Variants in FAM76A observed in about 807,000 individuals in gnomAD.
FAM76A encodes the protein protein FAM76A.
In FAM76A, 32 loss-of-function variants were observed where a neutral mutation model predicts 46.2. That is an observed-to-expected ratio of 0.69 (90% confidence interval 0.52 to 0.93). The LOEUF is 0.93. FAM76A is among the 40% of genes least tolerant of loss of function. FAM76A has a pLI of 0.00. For synonymous variants in FAM76A, 137 were observed against 127.0 expected (o/e 1.08, Z -0.53); for missense variants, 274 against 361.5 (o/e 0.76, Z 1.96).
chr1:27,760,877 C>CTTTTTTTTTTTTTTTTTTTTTTTTTT lies in FAM76A; in HGVS notation c.*319_*320insTTTTTTTTTTTTTTTTTTTTTTTTTT. 11 of 25,136 alleles carry CTTTTTTTTTTTTTTTTTTTTTTTTTT rather than the reference C, an allele frequency of 4.4e-4. 1 individual carries two copies. The highest frequency in any genetic ancestry group is 9.3e-4 in the African/African-American group (5 of 5,360). 1.6% of individuals were successfully genotyped at this position (25,136 alleles called of 1,614,324 possible). On this transcript the variant is annotated 3_prime_UTR_variant, in exon 9 of 9. Transcript: ENST00000373954. Reference sequence around the variant, plus strand: ...GTTCTATTCTTTTTTTTTCTTTTTTCTTTTTTTTTTTTTTTTTTTTTTTGT... The same window carrying CTTTTTTTTTTTTTTTTTTTTTTTTTT: ...GTTCTATTCTTTTTTTTTCTTTTTTCTTTTTTTTTTTTTTTTTTTTTTTTTTTTTTTTTTTTTTTTTTTTTTTTTGT...
Position 27,744,805 on chromosome 1 carries a change from A to G in FAM76A, c.506A>G (p.Tyr169Cys). 9 of 1,614,030 alleles carry G rather than the reference A, an allele frequency of 5.6e-6. No homozygotes were observed. Among genetic ancestry groups the G allele is most frequent in the Non-Finnish European group, 7.6e-6 (9 of 1,179,934 alleles). The change falls in exon 5 of 9, where the codon TAT becomes TGT. Residue 169 changes from tyrosine (Y) to cysteine (C), a missense_variant. Coordinates refer to ENST00000373954, the MANE Select transcript of FAM76A (RefSeq NM_152660.3). ...AGTCGCCTGAGTGGTGGTGGCCATT[A>G]TAACAGGTAACCTCAAGACACATGA... Reference protein sequence around the residue: ...QYSRLSGGGHYNSQKTLSTSS... With the variant: ...QYSRLSGGGHCNSQKTLSTSS...
At chr1:27,727,338 A>G (rs2087877369) in intron 1 of FAM76A, 134 bp from the exon 2 acceptor site, 1 of 688,656 alleles carries the variant, frequency 1.5e-6, no homozygotes, top group Non-Finnish European at 2.6e-6. Context: ...GAGGAGAAAA[A>G]TAAGGCCCAG....
In FAM76A at chr1:27,725,968, C is replaced by A; in HGVS notation, c.-113C>A. The A allele has an allele frequency of 2.5e-6, 2 of 815,134 alleles. No individual in the cohort carries two copies. Among genetic ancestry groups the A allele is most frequent in the Middle Eastern group, 4.3e-4 (1 of 2,350 alleles). 50.5% of individuals were successfully genotyped at this position (815,134 alleles called of 1,614,324 possible). On this transcript the variant is annotated 5_prime_UTR_variant, in exon 1 of 9. Transcript: ENST00000373954. ...CCGGGTCCGCCCCGACCCGCCTGCG[C>A]CCGCCCGCCTGCCGCAGCCAGCAGC...
chr1:27,732,301 G>A (rs1039625014), intron 2 of FAM76A, among the ~76,000 whole-genome samples: 2 of 152,058 alleles, frequency 1.3e-5, no homozygotes, highest in South Asian at 2.1e-4. Context: ...GTGGTGGTGC[G>A]CGCCTATGAT....
chr1:27,748,443 G>T (rs2088278394), intron 5 of FAM76A, among the ~76,000 whole-genome samples: 1 of 143,328 alleles, frequency 7.0e-6, no homozygotes, highest in Non-Finnish European at 1.5e-5. Flanking sequence ...TTTTAAACTA[G>T]AAGACAGATT....
chr1:27,734,274 G>C (rs558580818), intron 4 of FAM76A, 91 bp downstream of exon 4: 7 of 1,364,224 alleles, frequency 5.1e-6, no homozygotes, highest in Non-Finnish European at 4.9e-6. Flanking sequence ...TAGGCCGGGC[G>C]TGGTGGCTCA....
rs2088491015 is a variant in FAM76A, at chr1:27,760,801, T to C, written c.*220T>C. ...TTTGGGATTTCAAGCTCGCTCTCTT[T>C]CTCTCACTATTAGGACTTTTCTTTT... On this transcript the variant is annotated 3_prime_UTR_variant, in exon 9 of 9. Coordinates refer to ENST00000373954, the MANE Select transcript of FAM76A (RefSeq NM_152660.3). 1 of 268,142 alleles carries C rather than the reference T, an allele frequency of 3.7e-6. No individual in the cohort carries two copies. Among genetic ancestry groups the C allele is most frequent in the Admixed American group, 5.2e-5 (1 of 19,196 alleles). 16.6% of individuals were successfully genotyped at this position (268,142 alleles called of 1,614,324 possible).
At position 27,760,568 on chromosome 1, in the gene FAM76A, T is replaced by TA; in HGVS notation, c.913dup (p.Thr305AsnfsTer12). On this transcript the variant is annotated frameshift_variant, in exon 9 of 9. Transcript: ENST00000373954. LOFTEE classifies it high-confidence loss of function. Reference sequence around the variant, plus strand: ...AAGAAGTCAGAGAAGTCAGGAGCTATAACCTCTCCATGACAGACCTCAAGG... The same window carrying TA: ...AAGAAGTCAGAGAAGTCAGGAGCTATAAACCTCTCCATGACAGACCTCAAGG... The TA allele has an allele frequency of 6.2e-7, 1 of 1,611,694 alleles. No homozygotes were observed. Among genetic ancestry groups the TA allele is most frequent in the South Asian group, 1.1e-5 (1 of 90,838 alleles).
chr1:27,732,831 T>G (rs2087982808), intron 3 of FAM76A, among the ~76,000 whole-genome samples, 174 bp downstream of exon 3: 1 of 152,244 alleles, frequency 6.6e-6, no homozygotes, highest in African/African-American at 2.4e-5. Flanking sequence ...TAAGGAACTC[T>G]GTGTTTATGG....
chr1:27,750,100 G>A (rs150109445), intron 6 of FAM76A, among the ~76,000 whole-genome samples: 67 of 152,194 alleles, frequency 4.4e-4, no homozygotes, highest in African/African-American at 1.5e-3. Flanking sequence ...CACACTTCCT[G>A]CGATCTTTGA....
rs1246071100 is a variant in FAM76A, at chr1:27,727,391, A to G, written c.82-81A>G. The G allele has an allele frequency of 7.1e-6, 8 of 1,128,396 alleles. No individual in the cohort carries two copies. The Admixed American group carries it at 1.1e-4, about 15-fold the overall frequency. 69.9% of individuals were successfully genotyped at this position (1,128,396 alleles called of 1,614,324 possible). ...CTCAAGCATAGTAGCTATGCTAGAAATAGTACCCAGGTCGGCTTCCTACTG... is the reference window on the plus strand; with the variant it reads ...CTCAAGCATAGTAGCTATGCTAGAAGTAGTACCCAGGTCGGCTTCCTACTG... On this transcript the variant is annotated intron_variant, in intron 1 of 8. Coordinates refer to ENST00000373954, the MANE Select transcript of FAM76A (RefSeq NM_152660.3).
At chr1:27,728,229 A>T (rs1055869275) in intron 2 of FAM76A, among the ~76,000 whole-genome samples, 2 of 152,224 alleles carry the variant, frequency 1.3e-5, no homozygotes, top group African/African-American at 4.8e-5. Context: ...CAATATGTAC[A>T]TACACAGAGA....
At chr1:27,741,220 C>CA (rs2088147527) in intron 4 of FAM76A, among the ~76,000 whole-genome samples, 1 of 117,390 alleles carries the variant, frequency 8.5e-6, no homozygotes, top group Admixed American at 9.6e-5. Context: ...TTTTTTGAGG[C>CA]AGAGTCTCAC....
At position 27,749,654 on chromosome 1, in the gene FAM76A, C is replaced by T. The variant is rs536516980; in HGVS notation, c.599+500C>T. Among the ~76,000 whole-genome samples, 95 of 152,358 alleles carry T rather than the reference C, an allele frequency of 6.2e-4. 1 individual carries two copies. The highest frequency in any genetic ancestry group is 3.5e-3 in the South Asian group (17 of 4,828). On this transcript the variant is annotated intron_variant, in intron 6 of 8. Coordinates refer to ENST00000373954, the MANE Select transcript of FAM76A (RefSeq NM_152660.3). ...TACAGGCATGAGCCACCTTGCCCAG[C>T]TTCCCCTACACTAATTCTAAGAAGT...
intron 2 of FAM76A, among the ~76,000 whole-genome samples, chr1:27,728,748 G>T (rs2087904632): frequency 6.6e-6 from 1 of 152,078 alleles, no homozygotes. Context: ...TATCACCTGA[G>T]GTCAGAAGTT....
chr1:27,732,940 G>GTTTTTTTTTTTT (rs896245252), intron 3 of FAM76A, among the ~76,000 whole-genome samples: 1 of 140,600 alleles, frequency 7.1e-6, no homozygotes, highest in Non-Finnish European at 1.6e-5. Context: ...TTTTGTTTTT[G>GTTTTTTTTTTTT]TTTTTTTTTT....
At chr1:27,758,057 A>T (rs1214217438) in intron 7 of FAM76A, among the ~76,000 whole-genome samples, 1 of 151,364 alleles carries the variant, frequency 6.6e-6, no homozygotes, top group African/African-American at 2.4e-5. Context: ...TTTTCTTCTT[A>T]GGGGTTTCTG....
At chr1:27,758,485 G>A (rs2088452719) in intron 7 of FAM76A, among the ~76,000 whole-genome samples, 1 of 152,022 alleles carries the variant, frequency 6.6e-6, no homozygotes, top group Admixed American at 6.6e-5. Flanking sequence ...GCTTTGCAGA[G>A]ATAGTTTTTA....
At chr1:27,734,760 A>G (rs2148568828) in intron 4 of FAM76A, among the ~76,000 whole-genome samples, 1 of 152,362 alleles carries the variant, frequency 6.6e-6, no homozygotes, top group South Asian at 2.1e-4. Flanking sequence ...TCTGTAAAGG[A>G]GAGATTGTAA....
Sources: gnomAD v4.1 joint callset for allele counts (sites outside exome capture counted in the v4.1 genomes callset) on GRCh38, gnomAD v4.1.1 for gene constraint, MANE v1.5 for transcripts, NCBI Gene and HGNC (gene_info 2026-07-23, HGNC 2026-07-21) for gene names.